The following NKAIN3 variants were observed in gnomAD, a reference collection of about 807,000 sequenced individuals.
NKAIN3 encodes sodium/potassium-transporting ATPase subunit beta-1-interacting protein 3.
In NKAIN3, 25 loss-of-function variants were observed where a neutral mutation model predicts 30.2. The observed-to-expected ratio is 0.83, with a 90% CI of 0.60 to 1.16. The LOEUF (loss-of-function observed/expected upper bound fraction) is 1.16, where lower values mean the gene tolerates loss of function less well. NKAIN3 is among the 50% of genes most tolerant of loss of function. NKAIN3 has a pLI of 0.00. For synonymous variants in NKAIN3, 91 were observed against 89.6 expected, an observed-to-expected ratio of 1.02 and a Z score of -0.09; for missense variants, 225 against 254.1, an observed-to-expected ratio of 0.89 and a Z score of 0.78.
intron 1 of NKAIN3, among the ~76,000 whole-genome samples, chr8:62,545,011 A>T (rs1037743345): frequency 6.6e-6 from 1 of 152,210 alleles, no homozygotes; most frequent in Non-Finnish European, 1.5e-5. Context: ...AAAGTTCTTC[A>T]GCCTCATAGG....
chr8:62,610,973 T>A (rs1811270436), intron 3 of NKAIN3, among the ~76,000 whole-genome samples: 1 of 152,158 alleles, frequency 6.6e-6, no homozygotes, highest in African/African-American at 2.4e-5. Flanking sequence ...CATAAAACTC[T>A]TGGCATAATA....
chr8:62,490,944 G>A (rs181507690), intron 1 of NKAIN3, among the ~76,000 whole-genome samples: 8 of 152,198 alleles, frequency 5.3e-5, no homozygotes, highest in East Asian at 1.9e-4. Context: ...ACAAACACTC[G>A]ATAAGTAGTA....
At chr8:62,528,555 T>C (rs1185523476) in intron 1 of NKAIN3, among the ~76,000 whole-genome samples, 5 of 151,754 alleles carry the variant, frequency 3.3e-5, no homozygotes, top group Non-Finnish European at 7.4e-5. Flanking sequence ...CTCCACCTTC[T>C]TCTCTCTCTA....
intron 1 of NKAIN3, among the ~76,000 whole-genome samples, chr8:62,375,685 C>G (rs1189677488): frequency 4.6e-5 from 7 of 152,136 alleles, no homozygotes. Flanking sequence ...AGAACACAAC[C>G]TACTGCCTGG....
chr8:62,377,659 C>A lies in NKAIN3; in HGVS notation c.54+128532C>A, dbSNP rs559503484. 4.3e-4 allele frequency among the ~76,000 whole-genome samples: 65 copies of A among 152,006 alleles called. No homozygotes were observed. The South Asian group carries it at 9.6e-3, about 22-fold the overall frequency. On this transcript the variant is annotated intron_variant, in intron 1 of 6. Transcript: ENST00000623646. ...AGGTAATTAAAACATGGGGGTGGTT[C>A]CCCCCATGCTGTTCTCATGATAGTG...
intron 1 of NKAIN3, among the ~76,000 whole-genome samples, chr8:62,465,702 T>C (rs912944290): frequency 6.6e-6 from 1 of 152,206 alleles, no homozygotes; most frequent in African/African-American, 2.4e-5. Flanking sequence ...TAATTACTTG[T>C]TTAAATAAAA....
At chr8:62,950,835 C>G (rs557553027) in intron 5 of NKAIN3, among the ~76,000 whole-genome samples, 1 of 150,762 alleles carries the variant, frequency 6.6e-6, no homozygotes, top group South Asian at 2.1e-4. Flanking sequence ...TGAAATATTA[C>G]TATTAATAGT....
intron 1 of NKAIN3, among the ~76,000 whole-genome samples, chr8:62,281,500 C>G (rs900016798): frequency 6.6e-6 from 1 of 152,120 alleles, no homozygotes; most frequent in Non-Finnish European, 1.5e-5. Flanking sequence ...CCTGCTTTCT[C>G]TTGTGGGCAT....
chr8:62,711,252 T>C (rs539837160), intron 3 of NKAIN3, among the ~76,000 whole-genome samples: 1 of 152,354 alleles, frequency 6.6e-6, no homozygotes, highest in East Asian at 1.9e-4. Flanking sequence ...CCAGTTGTTC[T>C]TTGTGCTTCT....
chr8:62,838,171 A>G (rs1300384355), intron 4 of NKAIN3, among the ~76,000 whole-genome samples: 2 of 151,042 alleles, frequency 1.3e-5, no homozygotes, highest in African/African-American at 4.9e-5. Context: ...TGAGCATATC[A>G]TGAAATATAC....
At chr8:62,925,376 AG>A (rs1371100640) in intron 5 of NKAIN3, among the ~76,000 whole-genome samples, 2 of 152,206 alleles carry the variant, frequency 1.3e-5, no homozygotes, top group African/African-American at 4.8e-5. Flanking sequence ...CCTGTACCAC[AG>A]GAAAAAAAAT....
At chr8:62,361,078 C>T (rs185943792) in intron 1 of NKAIN3, among the ~76,000 whole-genome samples, 5 of 151,938 alleles carry the variant, frequency 3.3e-5, no homozygotes, top group East Asian at 3.9e-4. Context: ...ACCAAACCCC[C>T]GCATCACACT....
Position 62,975,788 on chromosome 8 carries a change from G to C in NKAIN3, c.*10381G>C, listed in dbSNP as rs567081846. The stretch of plus-strand genomic sequence containing the variant: ...TAGATGTTTAGATTTTAGATGTTTA[G>C]ATGTTTCCCACTTTCTCCTGTGAGC... On this transcript the variant is annotated 3_prime_UTR_variant, in exon 7 of 7. Transcript: ENST00000623646. Among the ~76,000 whole-genome samples, 112 of 152,234 alleles carry C rather than the reference G, an allele frequency of 7.4e-4. 1 individual carries two copies. Among genetic ancestry groups the C allele is most frequent in the African/African-American group, 2.6e-3 (109 of 41,550 alleles).
At chr8:62,407,287 G>T (rs887638719) in intron 1 of NKAIN3, among the ~76,000 whole-genome samples, 3 of 148,434 alleles carry the variant, frequency 2.0e-5, no homozygotes, top group Admixed American at 1.3e-4. Flanking sequence ...GTATATGTGT[G>T]TATATATATA....
At chr8:62,298,065 T>C (rs972634862) in intron 1 of NKAIN3, among the ~76,000 whole-genome samples, 1 of 149,952 alleles carries the variant, frequency 6.7e-6, no homozygotes, top group Non-Finnish European at 1.5e-5. Flanking sequence ...CAGTAAACTA[T>C]CACAAGAACA....
chr8:62,399,234 G>A (rs1177900143), intron 1 of NKAIN3, among the ~76,000 whole-genome samples: 4 of 152,160 alleles, frequency 2.6e-5, no homozygotes, highest in African/African-American at 9.7e-5. Flanking sequence ...GGCAGGGCAT[G>A]GTAGCTCATG....
intron 4 of NKAIN3, among the ~76,000 whole-genome samples, chr8:62,913,019 C>A (rs1327208496): frequency 1.3e-5 from 2 of 152,192 alleles, no homozygotes; most frequent in African/African-American, 4.8e-5. Context: ...TCTCCATCCA[C>A]ATCCTCTTTC....
chr8:62,619,465 T>G (rs544737967), intron 3 of NKAIN3, among the ~76,000 whole-genome samples: 2 of 152,280 alleles, frequency 1.3e-5, no homozygotes, highest in African/African-American at 4.8e-5. Flanking sequence ...AATCAGAAAA[T>G]TGTTAAATCT....
At chr8:62,596,745 A>G (rs1234900431) in intron 3 of NKAIN3, among the ~76,000 whole-genome samples, 2 of 152,062 alleles carry the variant, frequency 1.3e-5, no homozygotes, top group Non-Finnish European at 2.9e-5. Flanking sequence ...TTCCATCAGT[A>G]TACAAGTTGA....
Sources: allele counts gnomAD v4.1 joint callset (sites outside exome capture counted in the v4.1 genomes callset), GRCh38; gene constraint gnomAD v4.1.1; transcripts MANE v1.5; gene names NCBI Gene and HGNC (gene_info 2026-07-23, HGNC 2026-07-21).